The following NR4A1 variants were observed in gnomAD, a reference collection of about 807,000 sequenced individuals.
The protein encoded by NR4A1 is nuclear receptor subfamily 4immunitygroup A member 1.
In NR4A1, 24 loss-of-function variants were observed where a neutral mutation model predicts 47.5. The ratio of observed to expected loss-of-function variants is 0.50; its 90% CI spans 0.37 to 0.71. The LOEUF (loss-of-function observed/expected upper bound fraction) is 0.71, where lower values mean the gene tolerates loss of function less well. Among genes scored for constraint, NR4A1 ranks in the 30% least tolerant of loss-of-function variants. The probability of loss-of-function intolerance (pLI) is 0.00; values close to 1 mark genes in which losing one functional copy is unlikely to be tolerated. For missense variants in NR4A1, 669 were observed against 788.6 expected, an observed-to-expected ratio of 0.85 and a Z score of 1.82; for synonymous variants, 353 against 345.7, an observed-to-expected ratio of 1.02 and a Z score of -0.24.
intron 1 of NR4A1, among the ~76,000 whole-genome samples, chr12:52,023,186 G>C (rs1455563701): frequency 6.6e-6 from 1 of 152,226 alleles, no homozygotes; most frequent in African/African-American, 2.4e-5. Flanking sequence ...GGAGCCCCAC[G>C]CGCTGCTCAA....
upstream of NR4A1, among the ~76,000 whole-genome samples, chr12:52,048,294 T>C (rs1036615227): frequency 3.3e-5 from 5 of 150,756 alleles, no homozygotes; most frequent in Non-Finnish European, 5.9e-5. Context: ...TTGCTACCTA[T>C]TAAAATTGGT....
chr12:52,047,337 C>T (rs1185272414), upstream of NR4A1, among the ~76,000 whole-genome samples: 1 of 152,204 alleles, frequency 6.6e-6, no homozygotes, highest in Non-Finnish European at 1.5e-5. Flanking sequence ...CTGGACCCCA[C>T]TCTCTCAGAG....
At chr12:52,052,394 C>T (rs1408871538) in intron 1 of NR4A1, 1 of 754,468 alleles carries the variant, frequency 1.3e-6, no homozygotes, top group Non-Finnish European at 1.6e-6. Flanking sequence ...GTGTTGGAGT[C>T]TTGGGGCGGT....
At chr12:52,026,704 C>T (rs1226178245) in intron 1 of NR4A1, among the ~76,000 whole-genome samples, 3 of 152,188 alleles carry the variant, frequency 2.0e-5, no homozygotes, top group African/African-American at 7.2e-5. Context: ...TATTATCATT[C>T]CATTTCCCAA....
intron 3 of NR4A1, 150 bp from the exon 4 acceptor site, chr12:52,056,343 AG>A: frequency 2.2e-6 from 3 of 1,357,328 alleles, no homozygotes; most frequent in South Asian, 2.8e-5. Flanking sequence ...GGGTGGTGGC[AG>A]GGGGAGGTTC....
chr12:52,043,860 G>A lies in NR4A1; in HGVS notation c.37+1931G>A, dbSNP rs764162246. 9.3e-6 allele frequency: 12 copies of A among 1,289,166 alleles called. No homozygotes were observed. The East Asian group carries it at 2.2e-4, about 24-fold the overall frequency. 79.9% of individuals were successfully genotyped at this position (1,289,166 alleles called of 1,614,324 possible). On this transcript the variant is annotated intron_variant, in intron 2 of 7. Transcript: ENST00000360284. The stretch of plus-strand genomic sequence containing the variant: ...CAATCTTGGGATTCTCCCTTCGTGC[G>A]GTTGTCTGGGACCTTTTTCCAGGGT...
At chr12:52,035,690 G>A (rs1938220549) in intron 1 of NR4A1, among the ~76,000 whole-genome samples, 1 of 152,118 alleles carries the variant, frequency 6.6e-6, no homozygotes, top group South Asian at 2.1e-4. Flanking sequence ...CAGGTTCTTG[G>A]GATGTGATTT....
chr12:52,058,958 A>G lies in NR4A1; in HGVS notation c.*14A>G. ...CTGCCCTTCTGACCCCTGCCTGGGA[A>G]CACGTGTGCACATGCGCACTCTCAT... On this transcript the variant is annotated 3_prime_UTR_variant, in exon 7 of 7. Coordinates refer to ENST00000394825, the MANE Select transcript of NR4A1 (RefSeq NM_173157.3). 1 of 1,602,576 alleles carries G rather than the reference A, an allele frequency of 6.2e-7. No individual in the cohort carries two copies. Among genetic ancestry groups the G allele is most frequent in the Non-Finnish European group, 8.5e-7 (1 of 1,171,296 alleles).
At chr12:52,023,096 T>A (rs571568667) in intron 1 of NR4A1, among the ~76,000 whole-genome samples, 1 of 151,818 alleles carries the variant, frequency 6.6e-6, no homozygotes, top group South Asian at 2.1e-4. Flanking sequence ...CCTGCCGGAG[T>A]CTGCTTTTCA....
intron 6 of NR4A1, chr12:52,058,435 C>T: frequency 3.9e-6 from 2 of 515,750 alleles, no homozygotes; most frequent in South Asian, 3.1e-5. Context: ...ATTTTATTTC[C>T]CGTTTGTGAC....
At chr12:52,038,479 G>A (rs768932016) in intron 1 of NR4A1, 1 of 508,146 alleles carries the variant, frequency 2.0e-6, no homozygotes, top group South Asian at 2.3e-5. Flanking sequence ...TAGTATTAGG[G>A]GCACATTGGG....
intron 1 of NR4A1, chr12:52,037,573 G>T (rs1335853610): frequency 1.0e-6 from 1 of 983,788 alleles, no homozygotes. Flanking sequence ...AGTCGGGGGG[G>T]GGACTGGATT....
chr12:52,035,328 A>G (rs949143918), intron 1 of NR4A1, among the ~76,000 whole-genome samples: 8 of 152,386 alleles, frequency 5.2e-5, no homozygotes, highest in Admixed American at 3.3e-4. Flanking sequence ...TGCTAAAAGT[A>G]TTTATGGAAA....
At chr12:52,055,533 G>C in intron 2 of NR4A1, 1 of 548,258 alleles carries the variant, frequency 1.8e-6, no homozygotes, top group Non-Finnish European at 3.2e-6. Context: ...CAAGGTTCTA[G>C]TGGGAAGGGG....
intron 1 of NR4A1, among the ~76,000 whole-genome samples, chr12:52,030,872 G>A (rs1164728225): frequency 6.6e-6 from 1 of 152,136 alleles, no homozygotes; most frequent in African/African-American, 2.4e-5. Context: ...TGCTCCTCTC[G>A]CGCATCCCCA....
Position 52,056,540 on chromosome 12 carries a change from A to G in NR4A1, c.1053A>G (p.Ser351=), listed in dbSNP as rs750240632. Residue 351 remains serine (S), a synonymous_variant, in exon 4 of 7, where the codon TCA becomes TCG. Transcript: ENST00000394825. ...AGGGGCGGCGGGGCCGGCTACCTTC[A>G]AAACCCAAGCAGCCCCCAGATGCCT... ...SLKGRRGRLP[S]KPKQPPDASP... 3 of 1,613,652 alleles carry G rather than the reference A, an allele frequency of 1.9e-6. No homozygotes were observed. The highest frequency in any genetic ancestry group is 1.7e-6 in the Non-Finnish European group (2 of 1,179,858).
intron 2 of NR4A1, chr12:52,045,386 TG>T: frequency 3.1e-6 from 1 of 326,326 alleles, no homozygotes; most frequent in Admixed American, 3.8e-5. Flanking sequence ...TTTTGGTATA[TG>T]TCGGGGTCCT....
At chr12:52,046,537 T>G (rs1184633438), upstream of NR4A1, among the ~76,000 whole-genome samples, 1 of 152,192 alleles carries the variant, frequency 6.6e-6, no homozygotes, top group Non-Finnish European at 1.5e-5. Context: ...ATCATACTTG[T>G]GCTCTATCTG....
At chr12:52,046,048 CCTT>C (rs1209119482) in intron 2 of NR4A1, among the ~76,000 whole-genome samples, 6 of 152,210 alleles carry the variant, frequency 3.9e-5, no homozygotes, top group African/African-American at 1.2e-4. Context: ...AAAGCTCACT[CCTT>C]CTGCCCACCC....
Sources: gnomAD v4.1 joint callset for allele counts (sites outside exome capture counted in the v4.1 genomes callset) on GRCh38, gnomAD v4.1.1 for gene constraint, MANE v1.5 for transcripts, NCBI Gene and HGNC (gene_info 2026-07-23, HGNC 2026-07-21) for gene names.